The following NDRG3 variants were observed in gnomAD, a reference collection of about 807,000 sequenced individuals.
NDRG3 encodes the protein protein NDRG3.
NDRG3 carries 23 observed loss-of-function variants against 57.2 expected under a neutral mutation model. That is an observed-to-expected ratio of 0.40 (90% CI 0.29 to 0.57). The LOEUF (loss-of-function observed/expected upper bound fraction) is 0.57. Ranked by LOEUF, NDRG3 falls within the 20% of genes least tolerant of loss-of-function variation. The pLI is 0.42. For missense variants in NDRG3, 384 were observed against 457.3 expected, an observed-to-expected ratio of 0.84 and a Z score of 1.46; for synonymous variants, 132 against 162.6, an observed-to-expected ratio of 0.81 and a Z score of 1.43.
At chr20:36,677,550 A>T (rs1288097532) in intron 8 of NDRG3, among the ~76,000 whole-genome samples, 1 of 152,216 alleles carries the variant, frequency 6.6e-6, no homozygotes, top group Non-Finnish European at 1.5e-5. Flanking sequence ...CCAGCTGCAG[A>T]GAGGAATACA....
rs151093456 is a variant in NDRG3, at chr20:36,655,034, G to A, written c.946+1326C>T. On this transcript the variant is annotated intron_variant, in intron 15 of 15. Transcript: ENST00000349004. ...ATGTTACTTTCCTCAACTAGACAAA[G>A]GCAATTGTTTTCCCCTCTGCTATAA... 3.3e-3 allele frequency among the ~76,000 whole-genome samples: 499 copies of A among 152,318 alleles called. 4 individuals carry two copies. The highest frequency in any genetic ancestry group is 0.012 in the African/African-American group (483 of 41,582).
intron 8 of NDRG3, among the ~76,000 whole-genome samples, chr20:36,673,831 G>A (rs763411664): frequency 1.4e-4 from 21 of 152,086 alleles, no homozygotes; most frequent in Non-Finnish European, 2.9e-4. Context: ...TTGGCCGGGC[G>A]CAGTAGCTCA....
Position 36,680,859 on chromosome 20 carries a change from A to G in NDRG3, c.488T>C (p.Val163Ala), listed in dbSNP as rs765565077. 7 of 1,614,028 alleles carry G rather than the reference A, an allele frequency of 4.3e-6. No homozygotes were observed. Among genetic ancestry groups the G allele is most frequent in the Non-Finnish European group, 1.7e-6 (2 of 1,180,002 alleles). The stretch of plus-strand genomic sequence containing the variant: ...AATCCAGCCTTTAGCGCAAGGGTCA[A>G]CATTAATGAGCACAAGGCCTTCCAC... ...ELVEGLVLINVDPCAKGWIDW... is the reference protein window; with the variant it reads ...ELVEGLVLINADPCAKGWIDW... The change falls in exon 8 of 16, where the codon GTT becomes GCT. Residue 163 changes from valine to alanine, a missense_variant. Transcript: ENST00000349004.
At chr20:36,740,251 A>G (rs1240993922) in intron 1 of NDRG3, among the ~76,000 whole-genome samples, 5 of 152,374 alleles carry the variant, frequency 3.3e-5, no homozygotes, top group East Asian at 1.9e-4. Flanking sequence ...ACATTAATTA[A>G]TGTTTGCCAC....
chr20:36,697,967 T>TC (rs1246525722), intron 3 of NDRG3, among the ~76,000 whole-genome samples: 1 of 143,408 alleles, frequency 7.0e-6, no homozygotes, highest in South Asian at 2.2e-4. Context: ...TTTTTTCTTT[T>TC]TTTTTTTTTT....
intron 9 of NDRG3, chr20:36,668,779 T>C (rs1329814094): frequency 1.3e-5 from 2 of 151,212 alleles, no homozygotes; most frequent in African/African-American, 4.8e-5. Flanking sequence ...TACATAGTTA[T>C]ATATATACAT....
At chr20:36,688,233 G>A (rs1444149307) in intron 4 of NDRG3, among the ~76,000 whole-genome samples, 2 of 152,184 alleles carry the variant, frequency 1.3e-5, no homozygotes, top group African/African-American at 2.4e-5. Context: ...CTATGGCTGG[G>A]GCCAGAATCT....
At chr20:36,659,076 G>A (rs567836519) in intron 13 of NDRG3, among the ~76,000 whole-genome samples, 30 of 151,586 alleles carry the variant, frequency 2.0e-4, no homozygotes, top group Non-Finnish European at 4.0e-4. Context: ...AGCTTCCTGA[G>A]TAGCTGGGGC....
At chr20:36,716,253 G>T (rs370375787) in intron 2 of NDRG3, among the ~76,000 whole-genome samples, 3 of 149,528 alleles carry the variant, frequency 2.0e-5, no homozygotes, top group African/African-American at 4.9e-5. Flanking sequence ...TCACTTTCAG[G>T]TGGGTGCGGT....
intron 3 of NDRG3, among the ~76,000 whole-genome samples, chr20:36,693,157 TACACATATATATATAC>T (rs1386462340): frequency 1.9e-4 from 18 of 94,952 alleles, no homozygotes; most frequent in Non-Finnish European, 2.4e-4. Flanking sequence ...CACACACATA[TACACATATATATATAC>T]ACACATATAT....
intron 8 of NDRG3, among the ~76,000 whole-genome samples, chr20:36,672,411 A>C (rs565190466): frequency 6.6e-6 from 1 of 152,330 alleles, no homozygotes; most frequent in African/African-American, 2.4e-5. Flanking sequence ...AGAATGGAGA[A>C]GAGGCACTGA....
In NDRG3 at chr20:36,697,528, G is replaced by A. The variant is rs1020209082; in HGVS notation, c.94-8744C>T. Among the ~76,000 whole-genome samples the A allele has an allele frequency of 2.0e-5, 3 of 152,074 alleles. No homozygotes were observed. In the East Asian group the frequency reaches 5.8e-4, roughly 29 times the overall value. ...TTGAGACCAGCCTGGCCAGTATGGC[G>A]AAACCCCATCTCTACTAAAAAATAC... On this transcript the variant is annotated intron_variant, in intron 3 of 15. Transcript: ENST00000349004.
chr20:36,739,133 TCAAAAAAAAAAAAAAAAA>T (rs1305601731), intron 1 of NDRG3, among the ~76,000 whole-genome samples: 2 of 31,526 alleles, frequency 6.3e-5, no homozygotes, highest in Non-Finnish European at 1.1e-4. Flanking sequence ...AGACCCCATC[TCAAAAAAAAAAAAAAAAA>T]AAAAAAAAAA....
intron 8 of NDRG3, among the ~76,000 whole-genome samples, chr20:36,673,132 G>C (rs564299754): frequency 6.6e-6 from 1 of 152,208 alleles, no homozygotes; most frequent in Admixed American, 6.5e-5. Flanking sequence ...CCAAAGTGCT[G>C]GGATTACCAA....
rs911487478 is a variant in NDRG3, at chr20:36,652,910, C to A, written c.*610G>T. ...GGAGCCTCTCTATGTAACAGGCACC[C>A]TTCTGCTACTGGTCACAATCAATCA... On this transcript the variant is annotated 3_prime_UTR_variant, in exon 16 of 16. Transcript: ENST00000349004. 2 of 152,342 alleles carry A rather than the reference C, an allele frequency of 1.3e-5. No homozygotes were observed. The highest frequency in any genetic ancestry group is 2.9e-5 in the Non-Finnish European group (2 of 68,050). 9.4% of individuals were successfully genotyped at this position (152,342 alleles called of 1,614,324 possible). A position where few individuals can be genotyped will look rare whatever the true frequency, so the allele number is the denominator to read the frequency against.
chr20:36,681,036 A>C (rs1981242599), intron 7 of NDRG3, 134 bp from the exon 8 acceptor site: 2 of 663,804 alleles, frequency 3.0e-6, no homozygotes, highest in Non-Finnish European at 2.6e-6. Context: ...ACAAAGAGGG[A>C]GAACATGTGG....
intron 2 of NDRG3, among the ~76,000 whole-genome samples, chr20:36,716,630 C>G (rs1231023285): frequency 1.3e-5 from 2 of 152,172 alleles, no homozygotes; most frequent in Non-Finnish European, 2.9e-5. Context: ...ATTTATTCCC[C>G]TTTCTGCTAT....
chr20:36,693,141 TAC>T (rs575813448), intron 3 of NDRG3, among the ~76,000 whole-genome samples: 5,175 of 34,372 alleles, frequency 0.15, 978 homozygotes, highest in East Asian at 0.2. Context: ...TATATATATA[TAC>T]ACACACACAC....
intron 1 of NDRG3, among the ~76,000 whole-genome samples, chr20:36,733,932 C>T (rs1185328074): frequency 6.6e-6 from 1 of 152,152 alleles, no homozygotes; most frequent in Non-Finnish European, 1.5e-5. Context: ...TATGAGTAAT[C>T]ATTACAGCAC....
Sources: allele counts gnomAD v4.1 joint callset (sites outside exome capture counted in the v4.1 genomes callset), GRCh38; gene constraint gnomAD v4.1.1; transcripts MANE v1.5; gene names NCBI Gene and HGNC (gene_info 2026-07-23, HGNC 2026-07-21).